Variants in ROBO1 observed in about 807,000 individuals in gnomAD.
The protein encoded by ROBO1 is roundabout guidance receptor 1.
Under a neutral mutation model 195.9 loss-of-function variants are expected in ROBO1, and 149 were observed. The observed-to-expected ratio is 0.76, with a 90% confidence interval of 0.67 to 0.87. The LOEUF (loss-of-function observed/expected upper bound fraction) is 0.87, where lower values mean the gene tolerates loss of function less well. ROBO1 is among the 40% of genes least tolerant of loss of function. The pLI, the probability that ROBO1 is intolerant of heterozygous loss-of-function variation, is 0.00. For synonymous variants in ROBO1, 816 were observed against 733.2 expected, an observed-to-expected ratio of 1.11 and a Z score of -1.82; for missense variants, 1,933 against 2,068.3, an observed-to-expected ratio of 0.93 and a Z score of 1.27.
intron 1 of ROBO1, among the ~76,000 whole-genome samples, chr3:79,745,812 C>T (rs895831435): frequency 6.6e-6 from 1 of 152,036 alleles, no homozygotes; most frequent in Non-Finnish European, 1.5e-5. Context: ...TATATGTATA[C>T]AATTGGCTTA....
At chr3:79,732,151 A>G (rs930479725) in intron 1 of ROBO1, among the ~76,000 whole-genome samples, 11 of 151,960 alleles carry the variant, frequency 7.2e-5, no homozygotes, top group African/African-American at 2.7e-4. Flanking sequence ...GCATTCATAA[A>G]TATTTGTGTA....
intron 2 of ROBO1, among the ~76,000 whole-genome samples, chr3:79,461,792 C>A (rs1937652032): frequency 6.6e-6 from 1 of 152,120 alleles, no homozygotes; most frequent in African/African-American, 2.4e-5. Context: ...ACTTCTCTAT[C>A]ATTTTGACAT....
At chr3:79,683,735 G>T in intron 1 of ROBO1, among the ~76,000 whole-genome samples, 1 of 151,942 alleles carries the variant, frequency 6.6e-6, no homozygotes, top group Non-Finnish European at 1.5e-5. Flanking sequence ...CTTTCACTTA[G>T]CATGGTTTCA....
Position 79,274,431 on chromosome 3 carries a change from T to G in ROBO1, c.89-148892A>C, listed in dbSNP as rs181508990. On this transcript the variant is annotated intron_variant, in intron 2 of 30. Coordinates refer to ENST00000464233, the MANE Select transcript of ROBO1 (RefSeq NM_002941.4). ...GTCAATGAAGTAATTCAGAAGGAAA[T>G]TTAAATATTTCTTGAAACAAATGAT... is the stretch of plus-strand genomic sequence containing the variant. Among the ~76,000 whole-genome samples the G allele has an allele frequency of 5.4e-3, 819 of 152,046 alleles. 7 individuals carry two copies. Among genetic ancestry groups the G allele is most frequent in the Non-Finnish European group, 8.7e-3 (594 of 67,898 alleles).
chr3:78,742,573 T>A (rs1419098487), intron 5 of ROBO1, among the ~76,000 whole-genome samples: 1 of 152,184 alleles, frequency 6.6e-6, no homozygotes, highest in Admixed American at 6.5e-5. Context: ...CCCAAATGTA[T>A]AAATGTGCTT....
At chr3:79,120,919 A>C (rs1045143673) in intron 3 of ROBO1, among the ~76,000 whole-genome samples, 11 of 152,292 alleles carry the variant, frequency 7.2e-5, no homozygotes, top group African/African-American at 2.4e-4. Context: ...TAACTATATA[A>C]TGTTTAATAT....
intron 1 of ROBO1, among the ~76,000 whole-genome samples, chr3:79,653,165 T>G (rs1382355304): frequency 2.0e-5 from 3 of 151,836 alleles, no homozygotes; most frequent in African/African-American, 7.2e-5. Context: ...TATATAAAAT[T>G]ATTATAAATG....
intron 2 of ROBO1, among the ~76,000 whole-genome samples, chr3:79,318,459 T>C (rs368940712): frequency 6.6e-6 from 1 of 152,212 alleles, no homozygotes; most frequent in Non-Finnish European, 1.5e-5. Flanking sequence ...ATTTTAGCTA[T>C]ACAGCTAGAT....
At chr3:79,082,617 C>T (rs994650863) in intron 3 of ROBO1, among the ~76,000 whole-genome samples, 1 of 152,124 alleles carries the variant, frequency 6.6e-6, no homozygotes, top group African/African-American at 2.4e-5. Context: ...TCCAGAGCCT[C>T]AAGTGTGGTT....
At chr3:78,605,003 C>A (rs1214514886) in intron 29 of ROBO1, among the ~76,000 whole-genome samples, 1 of 152,190 alleles carries the variant, frequency 6.6e-6, no homozygotes, top group African/African-American at 2.4e-5. Context: ...AAGATTTCCT[C>A]CTCATCCCAA....
intron 4 of ROBO1, among the ~76,000 whole-genome samples, chr3:78,858,098 C>T (rs2106946187): frequency 6.6e-6 from 1 of 152,158 alleles, no homozygotes. Context: ...AGCCCACAAA[C>T]AGGTCTTCAT....
intron 3 of ROBO1, among the ~76,000 whole-genome samples, chr3:79,107,297 T>C (rs990703180): frequency 5.3e-5 from 8 of 151,774 alleles, no homozygotes; most frequent in African/African-American, 1.9e-4. Context: ...GTGATAATAT[T>C]GGCATCACAT....
chr3:78,813,990 A>T (rs2084823640), intron 4 of ROBO1, among the ~76,000 whole-genome samples: 4 of 151,998 alleles, frequency 2.6e-5, no homozygotes, highest in Admixed American at 2.0e-4. Flanking sequence ...TAGTCTCATT[A>T]GCTTACCATG....
chr3:79,437,986 A>T (rs1486921880), intron 2 of ROBO1, among the ~76,000 whole-genome samples: 1 of 151,996 alleles, frequency 6.6e-6, no homozygotes, highest in Non-Finnish European at 1.5e-5. Flanking sequence ...CTTCATAAAC[A>T]TAATTAATAT....
intron 3 of ROBO1, among the ~76,000 whole-genome samples, chr3:79,028,197 A>G (rs1464746528): frequency 6.6e-6 from 1 of 152,048 alleles, no homozygotes; most frequent in Non-Finnish European, 1.5e-5. Context: ...ACTGCCAGCA[A>G]AAGAAAGAAA....
chr3:79,587,526 C>T (rs1490374435), intron 2 of ROBO1, among the ~76,000 whole-genome samples: 1 of 151,502 alleles, frequency 6.6e-6, no homozygotes, highest in Non-Finnish European at 1.5e-5. Context: ...GTCTGATTTC[C>T]TTATCTGATT....
intron 3 of ROBO1, 24 bp from the exon 4 acceptor site, chr3:78,938,951 C>T: frequency 6.4e-7 from 1 of 1,566,024 alleles, no homozygotes; most frequent in Non-Finnish European, 8.7e-7. Context: ...CACAAAATAT[C>T]TTCGTATATC....
intron 1 of ROBO1, among the ~76,000 whole-genome samples, chr3:79,662,538 T>TG (rs768959508): frequency 7.9e-5 from 12 of 152,110 alleles, no homozygotes; most frequent in Non-Finnish European, 1.5e-4. Flanking sequence ...TTCTCCTCAA[T>TG]GGAGTTTTTA....
In ROBO1 at chr3:78,618,107, CCAAGAAATTCA is replaced by C; in HGVS notation, c.3876-77_3876-67del. 5.4e-6 allele frequency: 8 copies of C among 1,482,574 alleles called. No individual in the cohort carries two copies. In the Middle Eastern group the frequency reaches 5.5e-4, roughly 101 times the overall value. The allele number at this position is 1,482,574 out of a possible 1,614,324, so 91.8% of individuals were successfully genotyped here. A position where few individuals can be genotyped will look rare whatever the true frequency, so the allele number is the denominator to read the frequency against. ...TTTAAGACATAAAAGGACAAATTAC[CCAAGAAATTCA>C]CAAGCATGCAGATTTGACCTTTACT... On this transcript the variant is annotated intron_variant, in intron 26 of 30. Coordinates refer to ENST00000464233, the MANE Select transcript of ROBO1 (RefSeq NM_002941.4).
Sources: allele counts gnomAD v4.1 joint callset (sites outside exome capture counted in the v4.1 genomes callset), GRCh38; gene constraint gnomAD v4.1.1; transcripts MANE v1.5; gene names NCBI Gene and HGNC (gene_info 2026-07-23, HGNC 2026-07-21).